CFAP45: variants seen among roughly 807,000 people sequenced by gnomAD.
CFAP45 encodes cilia- and flagella-associated protein 45.
A neutral mutation model predicts 75.6 loss-of-function variants in CFAP45; 43 were observed. The observed-to-expected ratio is 0.57, with a 90% CI of 0.45 to 0.73. The LOEUF (loss-of-function observed/expected upper bound fraction) is 0.73. Ranked by LOEUF, CFAP45 falls within the 30% of genes least tolerant of loss-of-function variation. The probability of loss-of-function intolerance (pLI) is 0.00; values close to 1 mark genes in which losing one functional copy is unlikely to be tolerated. For synonymous variants in CFAP45, 223 were observed against 244.6 expected, an observed-to-expected ratio of 0.91 and a Z score of 0.82; for missense variants, 689 against 701.5, an observed-to-expected ratio of 0.98 and a Z score of 0.20.
intron 3 of CFAP45, among the ~76,000 whole-genome samples, chr1:159,889,679 T>C (rs116217137): frequency 0.015 from 2,280 of 152,324 alleles, 58 homozygotes; most frequent in African/African-American, 0.051. Flanking sequence ...TGCAGGGCTC[T>C]AGCCACATCT....
intron 8 of CFAP45, among the ~76,000 whole-genome samples, chr1:159,878,214 C>A (rs1358808506): frequency 1.3e-5 from 2 of 152,166 alleles, no homozygotes; most frequent in African/African-American, 4.8e-5. Context: ...TGGTCCTGTG[C>A]CTGTCTTGTA....
intron 6 of CFAP45, among the ~76,000 whole-genome samples, chr1:159,885,885 G>T (rs567718763): frequency 6.6e-6 from 1 of 152,082 alleles, no homozygotes; most frequent in Admixed American, 6.5e-5. Flanking sequence ...GAAAGAAAAG[G>T]GTATTCAAAA....
chr1:159,893,645 G>A (rs547056177), intron 1 of CFAP45, among the ~76,000 whole-genome samples: 7 of 152,280 alleles, frequency 4.6e-5, no homozygotes, highest in East Asian at 1.9e-4. Flanking sequence ...GTCAGTGAGT[G>A]CGCAGTTACA....
chr1:159,876,890 T>A, intron 9 of CFAP45, 141 bp from the exon 10 acceptor site: 1 of 803,188 alleles, frequency 1.2e-6, no homozygotes, highest in Non-Finnish European at 2.0e-6. Context: ...CTAGTTATTC[T>A]AGGAAAAGAT....
At position 159,873,045 on chromosome 1, in the gene CFAP45, G is replaced by C; in HGVS notation, c.1476C>G (p.Asn492Lys). The change falls in exon 11 of 12, where the codon AAC (asparagine) becomes AAG (lysine). Residue 492 changes from asparagine to lysine, a missense_variant. Transcript: ENST00000368099. ...GGCCCTCCTCAAAGGTGGCAATCCGGTTCTGCACTTCCTTCTGCTGGTTCT... is the reference window on the plus strand; with the variant it reads ...GGCCCTCCTCAAAGGTGGCAATCCGCTTCTGCACTTCCTTCTGCTGGTTCT... The part of the protein sequence containing the change: ...VRENQQKEVQ[N>K]RIATFEEGRR... 1 of 1,614,238 alleles carries C rather than the reference G, an allele frequency of 6.2e-7. No homozygotes were observed. Among genetic ancestry groups the C allele is most frequent in the Non-Finnish European group, 8.5e-7 (1 of 1,180,044 alleles).
intron 2 of CFAP45, among the ~76,000 whole-genome samples, chr1:159,892,626 C>T (rs564893181): frequency 6.6e-6 from 1 of 152,164 alleles, no homozygotes; most frequent in Non-Finnish European, 1.5e-5. Context: ...TCCATATGTA[C>T]CAAAATCAGT....
intron 2 of CFAP45, 126 bp downstream of exon 2, chr1:159,893,042 TCTCAGAATTCCC>T (rs1274583575): frequency 2.2e-6 from 2 of 909,662 alleles, no homozygotes; most frequent in African/African-American, 3.3e-5. Context: ...GCAGCTCAGG[TCTCAGAATTCCC>T]CTTTGTCTTC....
chr1:159,875,670 C>T (rs144917871), intron 10 of CFAP45, among the ~76,000 whole-genome samples: 17 of 152,290 alleles, frequency 1.1e-4, no homozygotes, highest in South Asian at 6.2e-4. Context: ...CCCTTCAATT[C>T]GAATTTTGCT....
intron 6 of CFAP45, 140 bp from the exon 7 acceptor site, chr1:159,884,705 C>T: frequency 6.9e-6 from 6 of 864,730 alleles, no homozygotes; most frequent in South Asian, 1.8e-5. Context: ...GAATATGCTT[C>T]ATGAGCCCAG....
intron 1 of CFAP45, 92 bp from the exon 2 acceptor site, chr1:159,893,397 T>C (rs951235247): frequency 1.0e-5 from 13 of 1,246,270 alleles, no homozygotes; most frequent in Middle Eastern, 2.8e-4. Context: ...GCTGGGGGAG[T>C]GGGTGGGCAT....
intron 7 of CFAP45, among the ~76,000 whole-genome samples, chr1:159,882,581 G>A (rs945945646): frequency 4.6e-5 from 7 of 152,138 alleles, no homozygotes. Context: ...ACCATGAGAT[G>A]ATACAGTAGG....
intron 1 of CFAP45, among the ~76,000 whole-genome samples, chr1:159,897,862 A>C (rs1033343140): frequency 1.3e-5 from 2 of 152,224 alleles, no homozygotes; most frequent in African/African-American, 4.8e-5. Context: ...CAGACCTAAA[A>C]AAGAAAACAA....
rs539116292 is a variant in CFAP45, at chr1:159,878,753, T to TAAAAAAAAAAAAAAAAAAAAAAAAA, written c.1045-1316_1045-1292dup. Among the ~76,000 whole-genome samples, 20 of 32,484 alleles carry TAAAAAAAAAAAAAAAAAAAAAAAAA rather than the reference T, an allele frequency of 6.2e-4. 7 individuals are homozygous for TAAAAAAAAAAAAAAAAAAAAAAAAA. The highest frequency in any genetic ancestry group is 1.0e-3 in the Non-Finnish European group (18 of 17,254). The allele number at this position is 32,484 out of a possible 152,430, so 21.3% of individuals were successfully genotyped here. On this transcript the variant is annotated intron_variant, in intron 8 of 11. Transcript: ENST00000368099. ...CCTAGTGACAGAGCAAGACTACATC[T>TAAAAAAAAAAAAAAAAAAAAAAAAA]AAAAAAAAAAAAAAAAAAAAAAAAA...
chr1:159,885,054 C>T (rs1649643574), intron 6 of CFAP45, among the ~76,000 whole-genome samples: 2 of 152,128 alleles, frequency 1.3e-5, no homozygotes, highest in South Asian at 2.1e-4. Flanking sequence ...GACCCCATGA[C>T]ATATGAGTAA....
intron 1 of CFAP45, among the ~76,000 whole-genome samples, chr1:159,898,919 A>G (rs1346909697): frequency 6.6e-6 from 1 of 152,152 alleles, no homozygotes; most frequent in African/African-American, 2.4e-5. Flanking sequence ...AGACTTATTT[A>G]ATAATTAACA....
chr1:159,892,079 G>T (rs547702928), intron 2 of CFAP45, among the ~76,000 whole-genome samples: 174 of 151,998 alleles, frequency 1.1e-3, no homozygotes, highest in Non-Finnish European at 2.1e-3. Context: ...TTGAGCTTAG[G>T]AGTTCAAGAC....
chr1:159,883,653 T>TATATAC (rs1491202103), intron 7 of CFAP45, among the ~76,000 whole-genome samples: 8 of 133,544 alleles, frequency 6.0e-5, no homozygotes, highest in Non-Finnish European at 9.8e-5. Context: ...TATATATATA[T>TATATAC]ACACACACAC....
intron 2 of CFAP45, 98 bp downstream of exon 2, chr1:159,893,082 C>G: frequency 7.2e-7 from 1 of 1,385,296 alleles, no homozygotes; most frequent in Non-Finnish European, 1.0e-6. Context: ...GAGTTACCTA[C>G]GAGAGCAAGG....
chr1:159,899,862 C>T, intron 1 of CFAP45: 1 of 502,858 alleles, frequency 2.0e-6, no homozygotes, highest in Non-Finnish European at 3.6e-6. Flanking sequence ...TCCCTTTCTC[C>T]CCAACTCCTC....
Sources: gnomAD v4.1 joint callset for allele counts (sites outside exome capture counted in the v4.1 genomes callset) on GRCh38, gnomAD v4.1.1 for gene constraint, MANE v1.5 for transcripts, NCBI Gene and HGNC (gene_info 2026-07-23, HGNC 2026-07-21) for gene names.